Variants in CFAP299 observed in about 807,000 individuals in gnomAD.
CFAP299 encodes cilia and flagella associated protein 299.
In CFAP299, 21 loss-of-function variants were observed where a neutral mutation model predicts 27.0. That is an observed-to-expected ratio of 0.78 (90% CI 0.55 to 1.12). CFAP299 has a LOEUF of 1.12. Among genes scored for constraint, CFAP299 ranks in the 50% most tolerant of loss-of-function variants. The pLI is 0.00. For synonymous variants in CFAP299, 104 were observed against 98.1 expected, an observed-to-expected ratio of 1.06 and a Z score of -0.36; for missense variants, 310 against 276.6, an observed-to-expected ratio of 1.12 and a Z score of -0.86.
At chr4:80,438,814 T>A (rs1167064560) in intron 2 of CFAP299, among the ~76,000 whole-genome samples, 1 of 152,210 alleles carries the variant, frequency 6.6e-6, no homozygotes, top group Non-Finnish European at 1.5e-5. Flanking sequence ...ATGTATTAAG[T>A]CATTCCATAC....
chr4:80,821,661 A>G (rs1409080897), intron 3 of CFAP299, among the ~76,000 whole-genome samples: 1 of 152,054 alleles, frequency 6.6e-6, no homozygotes, highest in Non-Finnish European at 1.5e-5. Context: ...AAAACCCCAG[A>G]CCCTAAAAGT....
In CFAP299 at chr4:80,396,869, G is replaced by C. The variant is rs190787981; in HGVS notation, c.242+33985G>C. On this transcript the variant is annotated intron_variant, in intron 2 of 5. Coordinates refer to ENST00000358105, the MANE Select transcript of CFAP299 (RefSeq NM_152770.3). Reference sequence around the variant, plus strand: ...TTTTGTTGTGTCTCTGCCAGGCTTTGGTGTCAGGATGATGCTGGCCTCATA... The same window carrying C: ...TTTTGTTGTGTCTCTGCCAGGCTTTCGTGTCAGGATGATGCTGGCCTCATA... 7.6e-4 allele frequency among the ~76,000 whole-genome samples: 115 copies of C among 152,232 alleles called. 1 individual carries two copies. Among genetic ancestry groups the C allele is most frequent in the African/African-American group, 2.7e-3 (112 of 41,544 alleles).
At chr4:80,721,847 T>C (rs2110046233) in intron 3 of CFAP299, among the ~76,000 whole-genome samples, 1 of 152,162 alleles carries the variant, frequency 6.6e-6, no homozygotes, top group Admixed American at 6.5e-5. Context: ...CTAGAATTCT[T>C]TACCCAATAA....
chr4:80,548,405 G>A (rs907291042), intron 2 of CFAP299, among the ~76,000 whole-genome samples: 40 of 151,994 alleles, frequency 2.6e-4, no homozygotes, highest in Admixed American at 2.6e-4. Context: ...GATATGAGGC[G>A]GGCATAAATT....
intron 2 of CFAP299, among the ~76,000 whole-genome samples, chr4:80,540,825 G>A (rs1230279984): frequency 1.3e-5 from 2 of 152,112 alleles, no homozygotes; most frequent in Non-Finnish European, 2.9e-5. Flanking sequence ...ATGCCACCAA[G>A]TATTTATTTC....
chr4:80,689,394 T>A (rs1388309497), intron 3 of CFAP299, among the ~76,000 whole-genome samples: 2 of 152,140 alleles, frequency 1.3e-5, no homozygotes, highest in Non-Finnish European at 2.9e-5. Flanking sequence ...TATTCAACAT[T>A]CTCAAAGAAA....
At chr4:80,567,706 A>C (rs1735371183) in intron 2 of CFAP299, among the ~76,000 whole-genome samples, 1 of 145,338 alleles carries the variant, frequency 6.9e-6, no homozygotes, top group East Asian at 2.0e-4. Flanking sequence ...TGCAATTTTC[A>C]CTTAAAAATG....
chr4:80,438,999 C>T (rs1365006629), intron 2 of CFAP299, among the ~76,000 whole-genome samples: 1 of 151,732 alleles, frequency 6.6e-6, no homozygotes, highest in Non-Finnish European at 1.5e-5. Context: ...AAAAAGCTAT[C>T]TATTTTTGTA....
chr4:80,679,000 G>A (rs1033476385), intron 3 of CFAP299, among the ~76,000 whole-genome samples: 4 of 151,984 alleles, frequency 2.6e-5, no homozygotes, highest in African/African-American at 7.2e-5. Flanking sequence ...ATGTAGATTT[G>A]TGTAGCCACC....
chr4:80,400,031 G>T (rs1726053921), intron 2 of CFAP299, among the ~76,000 whole-genome samples: 2 of 151,576 alleles, frequency 1.3e-5, no homozygotes, highest in South Asian at 4.2e-4. Context: ...TCCTCTATTT[G>T]TTGGATTTTT....
chr4:80,753,013 G>GTT (rs1725023982), intron 3 of CFAP299, among the ~76,000 whole-genome samples: 1 of 151,586 alleles, frequency 6.6e-6, no homozygotes, highest in Non-Finnish European at 1.5e-5. Context: ...CGTTTGTATT[G>GTT]TAAAGCAAAT....
intron 2 of CFAP299, among the ~76,000 whole-genome samples, chr4:80,367,056 G>C (rs1356695678): frequency 2.6e-5 from 4 of 152,186 alleles, no homozygotes; most frequent in South Asian, 2.1e-4. Flanking sequence ...ATGGAAGGGA[G>C]ATTGGACAAT....
intron 3 of CFAP299, among the ~76,000 whole-genome samples, chr4:80,828,987 G>A (rs557422082): frequency 9.2e-5 from 14 of 151,880 alleles, no homozygotes; most frequent in Non-Finnish European, 1.9e-4. Context: ...ATTCCTGGAA[G>A]AAAACATGGG....
At chr4:80,617,972 T>C (rs959905119) in intron 3 of CFAP299, among the ~76,000 whole-genome samples, 1 of 152,150 alleles carries the variant, frequency 6.6e-6, no homozygotes, top group African/African-American at 2.4e-5. Context: ...ATGGAATATA[T>C]AGTCATTAAC....
At chr4:80,888,618 G>A (rs1734088248) in intron 4 of CFAP299, among the ~76,000 whole-genome samples, 1 of 152,004 alleles carries the variant, frequency 6.6e-6, no homozygotes. Flanking sequence ...TAAAACAAAT[G>A]TGCCTAATAG....
rs1359387320 is a variant in CFAP299, at chr4:80,362,837, G to GA, written c.198dup (p.Ala67SerfsTer10). 7 of 1,613,154 alleles carry GA rather than the reference G, an allele frequency of 4.3e-6. No homozygotes were observed. In the African/African-American group the frequency reaches 9.3e-5, roughly 22 times the overall value. On this transcript the variant is annotated frameshift_variant, in exon 2 of 6. Coordinates refer to ENST00000358105, the MANE Select transcript of CFAP299 (RefSeq NM_152770.3). LOFTEE classifies it high-confidence loss of function. ...TGAAAAGGGAAGATTTTGAAGCAAG[G>GA]AAAGCGGCTATAGAGATTGCAAGAC... is the stretch of plus-strand genomic sequence containing the variant.
In CFAP299 at chr4:80,944,926, A is replaced by T. The variant is rs1242201128; in HGVS notation, c.593A>T (p.Asn198Ile). ...FRYKRDRKIL[N>I]VDPKAQPGDN... ...TACAAAAGAGACAGAAAAATTCTTA[A>T]TGTGGACCCAAAGGTAATTCTTCTT... Residue 198 changes from asparagine (N) to isoleucine (I), a missense_variant, in exon 5 of 6, where the codon AAT becomes ATT. Coordinates refer to ENST00000358105, the MANE Select transcript of CFAP299 (RefSeq NM_152770.3). 6.2e-7 allele frequency: 1 copy of T among 1,612,324 alleles called. No individual in the cohort carries two copies. The highest frequency in any genetic ancestry group is 1.1e-5 in the South Asian group (1 of 90,878).
intron 5 of CFAP299, among the ~76,000 whole-genome samples, chr4:80,958,010 T>C (rs538996940): frequency 6.6e-6 from 1 of 152,304 alleles, no homozygotes; most frequent in South Asian, 2.1e-4. Flanking sequence ...TGTCTGGAAG[T>C]ATTCATAAGG....
rs925069481 is a variant in CFAP299 at position 80,862,259 on chromosome 4, A to G, written c.334-7734A>G. Among the ~76,000 whole-genome samples, 18 of 152,042 alleles carry G rather than the reference A, an allele frequency of 1.2e-4. No individual in the cohort carries two copies. The East Asian group carries it at 3.5e-3, about 29-fold the overall frequency. The stretch of plus-strand genomic sequence containing the variant: ...GTGGCGTGTGCTTGTGGTCCCAGCT[A>G]CTCGGTAGGCTGAGGCAGGAGAATC... On this transcript the variant is annotated intron_variant, in intron 3 of 5. Coordinates refer to ENST00000358105, the MANE Select transcript of CFAP299 (RefSeq NM_152770.3).
Sources: gnomAD v4.1 joint callset for allele counts (sites outside exome capture counted in the v4.1 genomes callset) on GRCh38, gnomAD v4.1.1 for gene constraint, MANE v1.5 for transcripts, NCBI Gene and HGNC (gene_info 2026-07-23, HGNC 2026-07-21) for gene names.